Variants in OXR1 observed in about 807,000 individuals in gnomAD.
The protein encoded by OXR1 is oxidation resistance protein 1.
Under a neutral mutation model 104.6 loss-of-function variants are expected in OXR1, and 41 were observed. The observed-to-expected ratio is 0.39, with a 90% CI of 0.31 to 0.51. The LOEUF (loss-of-function observed/expected upper bound fraction) is 0.51, where lower values mean the gene tolerates loss of function less well. Among genes scored for constraint, OXR1 ranks in the 20% least tolerant of loss-of-function variants. The pLI is 0.77. For synonymous variants in OXR1, 348 were observed against 348.4 expected (o/e 1.00, Z 0.01); for missense variants, 955 against 1,031.9 (o/e 0.93, Z 1.02).
intron 3 of OXR1, among the ~76,000 whole-genome samples, chr8:106,549,895 A>G (rs1815671448): frequency 6.6e-6 from 1 of 152,098 alleles, no homozygotes; most frequent in African/African-American, 2.4e-5. Flanking sequence ...AAACAATCCT[A>G]TTTTATCTCC....
chr8:106,598,779 G>C (rs1563633244), intron 3 of OXR1, among the ~76,000 whole-genome samples: 1 of 152,136 alleles, frequency 6.6e-6, no homozygotes, highest in Non-Finnish European at 1.5e-5. Context: ...TGAAATTTTA[G>C]TGTAAACTTC....
At chr8:106,303,044 C>T (rs1302156146) in intron 1 of OXR1, among the ~76,000 whole-genome samples, 3 of 151,300 alleles carry the variant, frequency 2.0e-5, no homozygotes, top group African/African-American at 4.9e-5. Flanking sequence ...TGAGCCAGCG[C>T]ACCTGGCCGC....
intron 1 of OXR1, among the ~76,000 whole-genome samples, chr8:106,325,250 T>C (rs1814420205): frequency 6.6e-6 from 1 of 152,210 alleles, no homozygotes; most frequent in African/African-American, 2.4e-5. Flanking sequence ...CTGCTAACAG[T>C]ATAAAGACTT....
intron 7 of OXR1, among the ~76,000 whole-genome samples, chr8:106,699,487 A>G (rs1239227585): frequency 6.6e-6 from 1 of 152,134 alleles, no homozygotes. Flanking sequence ...CTCCTTATTC[A>G]GGTATCATTG....
chr8:106,563,616 A>G (rs1266999673), intron 3 of OXR1, among the ~76,000 whole-genome samples: 1 of 152,190 alleles, frequency 6.6e-6, no homozygotes, highest in African/African-American at 2.4e-5. Flanking sequence ...CAGGACTTCA[A>G]CTCAGCTCTA....
chr8:106,433,093 G>A (rs1267176480), intron 2 of OXR1, among the ~76,000 whole-genome samples: 1 of 152,194 alleles, frequency 6.6e-6, no homozygotes, highest in Non-Finnish European at 1.5e-5. Context: ...CGAGACCGGA[G>A]TTTTATTATT....
At chr8:106,622,633 C>G (rs1424957382) in intron 3 of OXR1, among the ~76,000 whole-genome samples, 1 of 152,130 alleles carries the variant, frequency 6.6e-6, no homozygotes, top group Non-Finnish European at 1.5e-5. Flanking sequence ...TCCTAGAGAT[C>G]CACATAGCCA....
At chr8:106,457,587 G>C (rs1329165819) in intron 2 of OXR1, among the ~76,000 whole-genome samples, 1 of 152,152 alleles carries the variant, frequency 6.6e-6, no homozygotes, top group East Asian at 1.9e-4. Flanking sequence ...GCTAGAAAAG[G>C]CTAGATTACT....
chr8:106,311,563 T>A (rs1353297379), intron 1 of OXR1, among the ~76,000 whole-genome samples: 1 of 152,208 alleles, frequency 6.6e-6, no homozygotes, highest in African/African-American at 2.4e-5. Flanking sequence ...ACTAGACTAT[T>A]GGTTTAACTT....
rs144161778 is a variant in OXR1, at chr8:106,519,148, C to T, written c.220+9C>T. The T allele has an allele frequency of 5.9e-4, 908 of 1,540,630 alleles. 3 individuals carry two copies. The African/African-American group carries it at 0.011, about 19-fold the overall frequency. On this transcript the variant is annotated intron_variant, in intron 3 of 16. Coordinates refer to ENST00000517566, the MANE Select transcript of OXR1 (RefSeq NM_001198533.2). Reference sequence around the variant, plus strand: ...GAGGTTCTACACAATTGGTGAGCACCAGATGTTTTATGCAAGTGAATAGAT... The same window carrying T: ...GAGGTTCTACACAATTGGTGAGCACTAGATGTTTTATGCAAGTGAATAGAT...
At chr8:106,425,164 G>A (rs1007116160) in intron 2 of OXR1, among the ~76,000 whole-genome samples, 1 of 143,812 alleles carries the variant, frequency 7.0e-6, no homozygotes, top group Non-Finnish European at 1.5e-5. Flanking sequence ...GCAGTGGCAT[G>A]GTGACCATGG....
At chr8:106,533,171 G>C (rs1262910138) in intron 3 of OXR1, among the ~76,000 whole-genome samples, 1 of 152,192 alleles carries the variant, frequency 6.6e-6, no homozygotes, top group Non-Finnish European at 1.5e-5. Context: ...TTCTGGACCA[G>C]AGCCCTAAAG....
intron 2 of OXR1, among the ~76,000 whole-genome samples, chr8:106,493,764 G>A (rs1285189679): frequency 2.0e-5 from 3 of 152,054 alleles, no homozygotes; most frequent in Non-Finnish European, 4.4e-5. Flanking sequence ...TATATTTATG[G>A]TTATTATAAG....
intron 3 of OXR1, among the ~76,000 whole-genome samples, chr8:106,523,228 C>G (rs1314698507): frequency 2.6e-5 from 4 of 152,342 alleles, no homozygotes; most frequent in Admixed American, 2.6e-4. Context: ...AGAATACTCT[C>G]TGCTCTTAAA....
chr8:106,496,019 AT>A (rs1197994115), intron 2 of OXR1, among the ~76,000 whole-genome samples: 3 of 152,168 alleles, frequency 2.0e-5, no homozygotes, highest in African/African-American at 7.2e-5. Context: ...AAAAATAAAT[AT>A]TAAATTTTCA....
intron 1 of OXR1, among the ~76,000 whole-genome samples, chr8:106,305,879 GT>G (rs1275181627): frequency 2.0e-5 from 3 of 152,078 alleles, no homozygotes; most frequent in African/African-American, 7.2e-5. Context: ...CAAAGCCACA[GT>G]TTTATACTAG....
Position 106,698,063 on chromosome 8 carries a change from G to A in OXR1, c.676-4843G>A, listed in dbSNP as rs552720596. On this transcript the variant is annotated intron_variant, in intron 7 of 16. Transcript: ENST00000517566. The stretch of plus-strand genomic sequence containing the variant: ...GGAGCGTTCAAACGGGCTGGAGAGC[G>A]GCACACTCACTCAAGGCAATGGCTG... 185 of 1,309,692 alleles carry A rather than the reference G, an allele frequency of 1.4e-4. 2 individuals carry two copies. The East Asian group carries it at 3.9e-3, about 27-fold the overall frequency. The allele number at this position is 1,309,692 out of a possible 1,614,324, so 81.1% of individuals were successfully genotyped here. A position where few individuals can be genotyped will look rare whatever the true frequency, so the allele number is the denominator to read the frequency against.
intron 3 of OXR1, among the ~76,000 whole-genome samples, chr8:106,526,368 G>T (rs1813661833): frequency 6.6e-6 from 1 of 152,176 alleles, no homozygotes; most frequent in Non-Finnish European, 1.5e-5. Flanking sequence ...AGGAGAAAAT[G>T]ATTGAGGGGA....
chr8:106,674,674 A>T (rs1827384780), intron 3 of OXR1, among the ~76,000 whole-genome samples: 1 of 151,826 alleles, frequency 6.6e-6, no homozygotes, highest in Non-Finnish European at 1.5e-5. Context: ...TTATCCCCAT[A>T]CTCTCCCTGA....
Sources: gnomAD v4.1 joint callset for allele counts (sites outside exome capture counted in the v4.1 genomes callset) on GRCh38, gnomAD v4.1.1 for gene constraint, MANE v1.5 for transcripts, NCBI Gene and HGNC (gene_info 2026-07-23, HGNC 2026-07-21) for gene names.